Variants in GAS2 observed in about 807,000 individuals in gnomAD.
GAS2 encodes the protein growth arrest specific 2.
A neutral mutation model predicts 37.5 loss-of-function variants in GAS2; 20 were observed. The observed-to-expected ratio is 0.53, with a 90% CI of 0.37 to 0.77. GAS2 has a LOEUF of 0.77. Among genes scored for constraint, GAS2 ranks in the 30% least tolerant of loss-of-function variants. GAS2 has a pLI of 0.00. For missense variants in GAS2, 336 were observed against 373.4 expected, an observed-to-expected ratio of 0.90 and a Z score of 0.82; for synonymous variants, 144 against 132.2, an observed-to-expected ratio of 1.09 and a Z score of -0.61.
At chr11:22,714,380 T>C (rs1461780451) in intron 3 of GAS2, among the ~76,000 whole-genome samples, 1 of 151,988 alleles carries the variant, frequency 6.6e-6, no homozygotes, top group Non-Finnish European at 1.5e-5. Flanking sequence ...TATAAAACAA[T>C]TACCGCTACA....
At position 22,716,451 on chromosome 11, in the gene GAS2, C is replaced by T. The variant is rs143282693; in HGVS notation, c.268-9841C>T. Among the ~76,000 whole-genome samples the T allele has an allele frequency of 1.4e-3, 209 of 152,066 alleles. 1 individual carries two copies. Among genetic ancestry groups the T allele is most frequent in the African/African-American group, 4.9e-3 (202 of 41,468 alleles). Reference sequence around the variant, plus strand: ...GGCCAGGAGTTTGAGACCTGCCTGGCCAACATGGTGAAACATTGTCTCAAC... The same window carrying T: ...GGCCAGGAGTTTGAGACCTGCCTGGTCAACATGGTGAAACATTGTCTCAAC... On this transcript the variant is annotated intron_variant, in intron 3 of 7. Coordinates refer to ENST00000454584, the MANE Select transcript of GAS2 (RefSeq NM_001143830.3).
At chr11:22,741,416 C>T (rs1853071549) in intron 5 of GAS2, among the ~76,000 whole-genome samples, 1 of 151,884 alleles carries the variant, frequency 6.6e-6, no homozygotes, top group Admixed American at 6.6e-5. Context: ...ATAAATTCAG[C>T]ATTTTTTGAC....
chr11:22,711,217 C>T (rs1234446777), intron 3 of GAS2, among the ~76,000 whole-genome samples: 1 of 152,184 alleles, frequency 6.6e-6, no homozygotes, highest in Admixed American at 6.5e-5. Flanking sequence ...AAATCCTGAT[C>T]ATGGGAGAAG....
intron 3 of GAS2, among the ~76,000 whole-genome samples, chr11:22,695,774 A>G (rs1850473751): frequency 6.6e-6 from 1 of 152,232 alleles, no homozygotes; most frequent in Non-Finnish European, 1.5e-5. Context: ...CAAATTTGAA[A>G]TAAAGAAAAA....
chr11:22,733,649 A>C (rs1168619028), intron 4 of GAS2, among the ~76,000 whole-genome samples: 3 of 151,614 alleles, frequency 2.0e-5, no homozygotes, highest in Non-Finnish European at 3.0e-5. Context: ...TCCATTTGAC[A>C]TTTGATGCCC....
intron 7 of GAS2, among the ~76,000 whole-genome samples, chr11:22,762,459 C>T (rs1433396896): frequency 1.3e-5 from 2 of 152,060 alleles, no homozygotes; most frequent in African/African-American, 2.4e-5. Context: ...AAGTCAAAGC[C>T]GTGACTTGCC....
intron 3 of GAS2, among the ~76,000 whole-genome samples, chr11:22,722,039 G>A (rs767931668): frequency 1.3e-5 from 2 of 151,938 alleles, no homozygotes; most frequent in Non-Finnish European, 2.9e-5. Context: ...CTGAAATACA[G>A]ATTTTAAGTA....
chr11:22,755,206 T>C (rs1406991978), intron 6 of GAS2, among the ~76,000 whole-genome samples: 1 of 152,080 alleles, frequency 6.6e-6, no homozygotes, highest in Non-Finnish European at 1.5e-5. Context: ...CAGGCATCAA[T>C]TACATAGAAC....
chr11:22,722,004 T>G (rs1215492338), intron 3 of GAS2, among the ~76,000 whole-genome samples: 5 of 151,984 alleles, frequency 3.3e-5, no homozygotes, highest in African/African-American at 7.2e-5. Context: ...CATCTTGTTT[T>G]ATGAACATCG....
chr11:22,742,412 G>GA (rs1446493872), intron 5 of GAS2, among the ~76,000 whole-genome samples: 3 of 152,056 alleles, frequency 2.0e-5, no homozygotes, highest in Admixed American at 1.3e-4. Flanking sequence ...TTGGAGAACA[G>GA]AAAAAAGATC....
intron 5 of GAS2, among the ~76,000 whole-genome samples, chr11:22,744,830 CAT>C (rs1338270652): frequency 1.3e-5 from 2 of 151,910 alleles, no homozygotes; most frequent in Non-Finnish European, 2.9e-5. Flanking sequence ...AAAAGAAAGA[CAT>C]AAAATGCATC....
At chr11:22,687,649 T>C (rs1307960307) in intron 3 of GAS2, among the ~76,000 whole-genome samples, 1 of 152,228 alleles carries the variant, frequency 6.6e-6, no homozygotes, top group Non-Finnish European at 1.5e-5. Flanking sequence ...AGACTGTTTA[T>C]GAAAATGCTT....
intron 7 of GAS2, 62 bp from the exon 8 acceptor site, chr11:22,811,736 G>T: frequency 2.0e-6 from 3 of 1,469,828 alleles, no homozygotes; most frequent in Non-Finnish European, 2.9e-6. Context: ...AGAACCAGGG[G>T]TTGATTCAAG....
At chr11:22,696,163 G>A (rs887770029) in intron 3 of GAS2, among the ~76,000 whole-genome samples, 4 of 142,444 alleles carry the variant, frequency 2.8e-5, no homozygotes, top group East Asian at 2.1e-4. Flanking sequence ...TCATTGTTCA[G>A]TTCCCACCTA....
chr11:22,775,800 G>A (rs1314045801), intron 7 of GAS2, among the ~76,000 whole-genome samples: 1 of 152,168 alleles, frequency 6.6e-6, no homozygotes, highest in Non-Finnish European at 1.5e-5. Flanking sequence ...TTCTCCAGAT[G>A]TTATTCAGAT....
At position 22,657,808 on chromosome 11, in the gene GAS2, A is replaced by G. The variant is rs1350480186; in HGVS notation, c.-20-17042A>G. Among the ~76,000 whole-genome samples the G allele has an allele frequency of 4.6e-5, 7 of 152,288 alleles. No homozygotes were observed. In the South Asian group the frequency reaches 6.2e-4, roughly 14 times the overall value. The stretch of plus-strand genomic sequence containing the variant: ...TGTGAGCATCAAATCTTGGCCCACA[A>G]TCATATATTACTTTTAATGCATTTT... On this transcript the variant is annotated intron_variant, in intron 1 of 5. Coordinates refer to the GAS2 transcript ENST00000528582.
intron 7 of GAS2, among the ~76,000 whole-genome samples, chr11:22,807,775 CTA>C (rs1308577749): frequency 1.3e-5 from 2 of 152,102 alleles, no homozygotes; most frequent in African/African-American, 4.8e-5. Context: ...AGAAATATAA[CTA>C]TGTGTAGGAA....
chr11:22,789,534 T>G (rs1275467833), intron 7 of GAS2, among the ~76,000 whole-genome samples: 2 of 136,214 alleles, frequency 1.5e-5, no homozygotes, highest in Admixed American at 1.6e-4. Context: ...TGATCTCGGC[T>G]CACTGCAAGC....
intron 5 of GAS2, among the ~76,000 whole-genome samples, chr11:22,745,769 A>C (rs1853361762): frequency 6.6e-6 from 1 of 152,196 alleles, no homozygotes; most frequent in African/African-American, 2.4e-5. Context: ...TAACATCATT[A>C]AAATTTGGGC....
Sources: allele counts gnomAD v4.1 joint callset (sites outside exome capture counted in the v4.1 genomes callset), GRCh38; gene constraint gnomAD v4.1.1; transcripts MANE v1.5; gene names NCBI Gene and HGNC (gene_info 2026-07-23, HGNC 2026-07-21).